The following CEBPA variants were observed in gnomAD, a reference collection of about 807,000 sequenced individuals.
CEBPA encodes the protein CCAAT/enhancer-binding protein alpha.
A neutral mutation model predicts 5.1 loss-of-function variants in CEBPA; 2 were observed. That is an observed-to-expected ratio of 0.39 (90% confidence interval 0.16 to 1.23). The LOEUF is 1.23. Ranked by LOEUF, CEBPA falls within the 50% of genes most tolerant of loss-of-function variation. The pLI is 0.34. For missense variants in CEBPA, 455 were observed against 537.4 expected (o/e 0.85, Z 1.52); for synonymous variants, 275 against 264.1 (o/e 1.04, Z -0.40).
At position 33,302,190 on chromosome 19, in the gene CEBPA, G is replaced by C. The variant is rs949548349; in HGVS notation, c.225C>G (p.Asp75Glu). The change falls in exon 1 of 1, where the codon GAC (aspartate) becomes GAG (glutamate). Residue 75 changes from aspartate (D) to glutamate (E), a missense_variant. Coordinates refer to ENST00000498907, the MANE Select transcript of CEBPA (RefSeq NM_004364.5). ...GCTGGAACAGGTCGGCCAGGAACTC[G>C]TCGTTGAAGGCGGCCGGGTCGATGT... ...SAYIDPAAFN[D>E]EFLADLFQHS... 2.7e-6 allele frequency: 4 copies of C among 1,493,828 alleles called. No individual in the cohort carries two copies. The highest frequency in any genetic ancestry group is 3.6e-6 in the Non-Finnish European group (4 of 1,118,688). The allele number at this position is 1,493,828 out of a possible 1,614,324, so 92.5% of individuals were successfully genotyped here.
Position 33,300,892 on chromosome 19 carries a change from CCT to C in CEBPA, c.*444_*445del, listed in dbSNP as rs1422141855. On this transcript the variant is annotated 3_prime_UTR_variant, in exon 1 of 1. Coordinates refer to ENST00000498907, the MANE Select transcript of CEBPA (RefSeq NM_004364.5). Reference sequence around the variant, plus strand: ...GGCGGGCTTGTCGGGATCTCAGCTCCCTGAGCCCTCCTCCTGCCACGGGCCTG... The same window carrying C: ...GGCGGGCTTGTCGGGATCTCAGCTCCGAGCCCTCCTCCTGCCACGGGCCTG... 2 of 262,898 alleles carry C rather than the reference CCT, an allele frequency of 7.6e-6. No homozygotes were observed. Among genetic ancestry groups the C allele is most frequent in the Non-Finnish European group, 1.5e-5 (2 of 135,148 alleles). 16.3% of individuals were successfully genotyped at this position (262,898 alleles called of 1,614,324 possible). A position where few individuals can be genotyped will look rare whatever the true frequency, so the allele number is the denominator to read the frequency against.
In CEBPA at chr19:33,300,733, G is replaced by A. The variant is rs372919877; in HGVS notation, c.*605C>T. On this transcript the variant is annotated 3_prime_UTR_variant, in exon 1 of 1. Coordinates refer to ENST00000498907, the MANE Select transcript of CEBPA (RefSeq NM_004364.5). ...AGGCTGGGGTGGGGTGTGTGCGGAG[G>A]GAGGTGGGAGAGGCGTGGAACTAGA... is the stretch of plus-strand genomic sequence containing the variant. 4.3e-5 allele frequency: 10 copies of A among 234,332 alleles called. No individual in the cohort carries two copies. The highest frequency in any genetic ancestry group is 4.2e-4 in the East Asian group (7 of 16,728). The allele number at this position is 234,332 out of a possible 1,614,324, so 14.5% of individuals were successfully genotyped here.
Position 33,302,332 on chromosome 19 carries a change from C to T in CEBPA, c.83G>A (p.Ser28Asn), listed in dbSNP as rs2145264621. The T allele has an allele frequency of 7.3e-7, 1 of 1,362,346 alleles. No individual in the cohort carries two copies. Among genetic ancestry groups the T allele is most frequent in the Non-Finnish European group, 9.5e-7 (1 of 1,057,708 alleles). The allele number at this position is 1,362,346 out of a possible 1,614,324, so 84.4% of individuals were successfully genotyped here. ...GCCCCGGGGAAAGCCGAAGGCGGCG[C>T]TGCTGGGCGCGTGCGGGGGGCTCTG... ...HLQSPPHAPS[S>N]AAFGFPRGAG... Residue 28 changes from serine (S) to asparagine (N), a missense_variant, in exon 1 of 1, where the codon AGC becomes AAC. Ser to Asn is a conservative substitution (Grantham distance 46). Around this residue, in one of 5 missense-constraint regions of CEBPA, gnomAD observed 143 missense variants for 153.9 expected, o/e 0.93. Transcript: ENST00000498907.
chr19:33,301,426 T>C lies in CEBPA; in HGVS notation c.989A>G (p.Gln330Arg). The change falls in exon 1 of 1, where the codon CAG becomes CGG. Residue 330 changes from glutamine (Q) to arginine (R), a missense_variant. By Grantham distance (43) the Gln-to-Arg change is conservative. Around this residue, in one of 5 missense-constraint regions of CEBPA, gnomAD observed 118 missense variants for 189.3 expected, o/e 0.62. Transcript: ENST00000498907. This position sits in a 1 kb window ranked among gnomAD's most constrained non-coding sequence, Gnocchi z 6.0. ...CAGCGTGTCCAGTTCGCGGCTCAGC[T>C]GTTCCACCCGCTTGCGCAGGCGGTC... is the stretch of plus-strand genomic sequence containing the variant. ...DNDRLRKRVE[Q>R]LSRELDTLRG... 1 of 1,612,396 alleles carries C rather than the reference T, an allele frequency of 6.2e-7. No homozygotes were observed. The highest frequency in any genetic ancestry group is 8.5e-7 in the Non-Finnish European group (1 of 1,179,772).
rs1184283480 is a variant in CEBPA at position 33,301,633 on chromosome 19, G to A, written c.782C>T (p.Pro261Leu). 6.4e-7 allele frequency: 1 copy of A among 1,567,160 alleles called. No homozygotes were observed. The highest frequency in any genetic ancestry group is 1.9e-5 in the Admixed American group (1 of 53,572). ...SALKGLGAAH[P>L]DLRASGGSGA... ...GCTGCCGCCACTCGCGCGGAGGTCGGGGTGCGCGGCGCCCAGCCCCTTGAG... is the reference window on the plus strand; with the variant it reads ...GCTGCCGCCACTCGCGCGGAGGTCGAGGTGCGCGGCGCCCAGCCCCTTGAG... Residue 261 changes from proline (P) to leucine (L), a missense_variant, in exon 1 of 1, where the codon CCC (proline) becomes CTC (leucine). Pro to Leu is a moderately conservative substitution (Grantham distance 98). Transcript: ENST00000498907. The surrounding 1 kb of genome is among the most constrained non-coding windows in gnomAD (Gnocchi z 6.0).
rs1404122696 is a variant in CEBPA at position 33,301,198 on chromosome 19, C to G, written c.*140G>C. On this transcript the variant is annotated 3_prime_UTR_variant, in exon 1 of 1. Coordinates refer to ENST00000498907, the MANE Select transcript of CEBPA (RefSeq NM_004364.5). The surrounding 1 kb of genome is among the most constrained non-coding windows in gnomAD (Gnocchi z 6.0). The stretch of plus-strand genomic sequence containing the variant: ...AGAGGAAGGGAGGGGACACGCGGAG[C>G]AGGCCAGGCTTTCAGGAGGCACCGG... 2.1e-5 allele frequency: 29 copies of G among 1,358,418 alleles called. No homozygotes were observed. In the East Asian group the frequency reaches 6.3e-4, roughly 29 times the overall value. The allele number at this position is 1,358,418 out of a possible 1,614,324, so 84.1% of individuals were successfully genotyped here.
At position 33,301,143 on chromosome 19, in the gene CEBPA, C is replaced by T; in HGVS notation, c.*195G>A. ...CGCAGGGAGAAGCCACCGCCTGGCC[C>T]CCTCATCTTAGACGCACCAAGTCCG... On this transcript the variant is annotated 3_prime_UTR_variant, in exon 1 of 1. Transcript: ENST00000498907. This position sits in a 1 kb window ranked among gnomAD's most constrained non-coding sequence, Gnocchi z 6.0. 2.1e-6 allele frequency: 2 copies of T among 952,604 alleles called. No homozygotes were observed. Among genetic ancestry groups the T allele is most frequent in the Non-Finnish European group, 3.0e-6 (2 of 660,764 alleles). 59.0% of individuals were successfully genotyped at this position (952,604 alleles called of 1,614,324 possible).
Position 33,301,397 on chromosome 19 carries a change from C to T in CEBPA, c.1018G>A (p.Gly340Ser), listed in dbSNP as rs375833261. The part of the protein sequence containing the change: ...QLSRELDTLR[G>S]IFRQLPESSL... ...CTCTCTGGCAGCTGGCGGAAGATGC[C>T]CCGCAGCGTGTCCAGTTCGCGGCTC... The change falls in exon 1 of 1, where the codon GGC becomes AGC. Residue 340 changes from glycine to serine, a missense_variant. Gly to Ser is a moderately conservative substitution (Grantham distance 56). Coordinates refer to ENST00000498907, the MANE Select transcript of CEBPA (RefSeq NM_004364.5). The surrounding 1 kb of genome is among the most constrained non-coding windows in gnomAD (Gnocchi z 6.0). The T allele has an allele frequency of 4.9e-5, 79 of 1,610,088 alleles. No individual in the cohort carries two copies. Among genetic ancestry groups the T allele is most frequent in the Middle Eastern group, 1.6e-4 (1 of 6,082 alleles).
rs1229843724 is a variant in CEBPA at position 33,300,687 on chromosome 19, A to G, written c.*651T>C. On this transcript the variant is annotated 3_prime_UTR_variant, in exon 1 of 1. Transcript: ENST00000498907. ...CCCCATCGCAGTGAGTTCCGCCCCA[A>G]GGGGAAGCCCAGCCTATAGCAGGCT... is the stretch of plus-strand genomic sequence containing the variant. 4 of 233,450 alleles carry G rather than the reference A, an allele frequency of 1.7e-5. No individual in the cohort carries two copies. Among genetic ancestry groups the G allele is most frequent in the Non-Finnish European group, 2.5e-5 (3 of 118,176 alleles). The allele number at this position is 233,450 out of a possible 1,614,324, so 14.5% of individuals were successfully genotyped here.
Position 33,300,915 on chromosome 19 carries a change from G to C in CEBPA, c.*423C>G. ...TCCCTGAGCCCTCCTCCTGCCACGGGCCTGCTCCCCTCCTTCTCTCATGGG... is the reference window on the plus strand; with the variant it reads ...TCCCTGAGCCCTCCTCCTGCCACGGCCCTGCTCCCCTCCTTCTCTCATGGG... On this transcript the variant is annotated 3_prime_UTR_variant, in exon 1 of 1. Coordinates refer to ENST00000498907, the MANE Select transcript of CEBPA (RefSeq NM_004364.5). The C allele has an allele frequency of 3.6e-6, 1 of 277,114 alleles. No homozygotes were observed. The highest frequency in any genetic ancestry group is 5.2e-5 in the East Asian group (1 of 19,278). The allele number at this position is 277,114 out of a possible 1,614,324, so 17.2% of individuals were successfully genotyped here.
rs1967204947 is a variant in CEBPA, at chr19:33,302,391, C to T, written c.24G>A (p.Glu8=). Residue 8 remains glutamate, a synonymous_variant, in exon 1 of 1, where the codon GAG becomes GAA. Coordinates refer to ENST00000498907, the MANE Select transcript of CEBPA (RefSeq NM_004364.5). ...TGCTCATCGGGGGCCGCGGCTCCGCCTCGTAGAAGTCGGCCGACTCCATGG... is the reference window on the plus strand; with the variant it reads ...TGCTCATCGGGGGCCGCGGCTCCGCTTCGTAGAAGTCGGCCGACTCCATGG... MESADFY[E]AEPRPPMSSH... is the part of the protein sequence containing the mutation. 4.8e-5 allele frequency: 63 copies of T among 1,300,312 alleles called. No individual in the cohort carries two copies. Among genetic ancestry groups the T allele is most frequent in the Non-Finnish European group, 6.1e-5 (62 of 1,023,482 alleles). The allele number at this position is 1,300,312 out of a possible 1,614,324, so 80.5% of individuals were successfully genotyped here.
chr19:33,302,467 G>C lies in CEBPA; in HGVS notation c.-53C>G. On this transcript the variant is annotated 5_prime_UTR_variant, in exon 1 of 1. Transcript: ENST00000498907. Reference sequence around the variant, plus strand: ...CGAGCCTCGGCGGCCTCCAGCCTGCGCGGGGCGTCGCCGCCGCCCACCCGG... The same window carrying C: ...CGAGCCTCGGCGGCCTCCAGCCTGCCCGGGGCGTCGCCGCCGCCCACCCGG... 3 of 1,160,514 alleles carry C rather than the reference G, an allele frequency of 2.6e-6. No homozygotes were observed. The highest frequency in any genetic ancestry group is 2.2e-6 in the Non-Finnish European group (2 of 920,576). The allele number at this position is 1,160,514 out of a possible 1,614,324, so 71.9% of individuals were successfully genotyped here.
At position 33,301,596 on chromosome 19, in the gene CEBPA, C is replaced by T. The variant is rs1600021510; in HGVS notation, c.819G>A (p.Lys273=). 1.9e-6 allele frequency: 3 copies of T among 1,603,268 alleles called. No homozygotes were observed. In the South Asian group the frequency reaches 3.3e-5, roughly 18 times the overall value. The change falls in exon 1 of 1, where the codon AAG becomes AAA. Residue 273 remains lysine (K), a synonymous_variant. Coordinates refer to ENST00000498907, the MANE Select transcript of CEBPA (RefSeq NM_004364.5). The surrounding 1 kb of genome is among the most constrained non-coding windows in gnomAD (Gnocchi z 6.0). ...TGTTCTTGTCCACCGACTTCTTGGC[C>T]TTGCCCGCGCCGCTGCCGCCACTCG... ...LRASGGSGAG[K]AKKSVDKNSN...
At position 33,302,511 on chromosome 19, in the gene CEBPA, C is replaced by A. The variant is rs1049411658; in HGVS notation, c.-97G>T. On this transcript the variant is annotated 5_prime_UTR_variant, in exon 1 of 1. Transcript: ENST00000498907. ...CACCCGGAGACCCTGCTCGCCCGCGCCCGCGCACCTCCGGGTCGCGAATGG... is the reference window on the plus strand; with the variant it reads ...CACCCGGAGACCCTGCTCGCCCGCGACCGCGCACCTCCGGGTCGCGAATGG... 99 of 748,112 alleles carry A rather than the reference C, an allele frequency of 1.3e-4. No homozygotes were observed. In the African/African-American group the frequency reaches 1.8e-3, roughly 13 times the overall value. 46.3% of individuals were successfully genotyped at this position (748,112 alleles called of 1,614,324 possible).
chr19:33,302,025 G>A lies in CEBPA; in HGVS notation c.390C>T (p.Gly130=), dbSNP rs1967185905. 1 of 1,181,436 alleles carries A rather than the reference G, an allele frequency of 8.5e-7. No homozygotes were observed. The highest frequency in any genetic ancestry group is 1.0e-6 in the Non-Finnish European group (1 of 953,780). The allele number at this position is 1,181,436 out of a possible 1,614,324, so 73.2% of individuals were successfully genotyped here. A position where few individuals can be genotyped will look rare whatever the true frequency, so the allele number is the denominator to read the frequency against. ...GGTAGCCGGCGGCCGCGCAGCCGTA[G>A]CCGGGCGGGGGCCCGTGCGCTCCCC... is the stretch of plus-strand genomic sequence containing the variant. ...MPGGAHGPPP[G]YGCAAAGYLD... Residue 130 remains glycine (G), a synonymous_variant, in exon 1 of 1, where the codon GGC becomes GGT. Coordinates refer to ENST00000498907, the MANE Select transcript of CEBPA (RefSeq NM_004364.5).
At position 33,301,859 on chromosome 19, in the gene CEBPA, G is replaced by A. The variant is rs1303742006; in HGVS notation, c.556C>T (p.Pro186Ser). ...GGGTGCGGGTGCGAGGGCGGCGGCG[G>A]CGGCGGCGGCTGGTAAGGGAAGAGG... ...AGLFPYQPPP[P>S]PPPSHPHPHP... Residue 186 changes from proline to serine, a missense_variant, in exon 1 of 1, where the codon CCG (proline) becomes TCG (serine). This residue lies in a region of CEBPA where 141 missense variants were observed against 124.1 expected (regional missense o/e 1.14). Transcript: ENST00000498907. The surrounding 1 kb of genome is among the most constrained non-coding windows in gnomAD (Gnocchi z 6.0). 1.5e-6 allele frequency: 2 copies of A among 1,322,826 alleles called. No homozygotes were observed. Among genetic ancestry groups the A allele is most frequent in the Non-Finnish European group, 9.7e-7 (1 of 1,032,502 alleles). The allele number at this position is 1,322,826 out of a possible 1,614,324, so 81.9% of individuals were successfully genotyped here.
chr19:33,301,125 A>T lies in CEBPA; in HGVS notation c.*213T>A. 1.3e-6 allele frequency: 1 copy of T among 774,458 alleles called. No individual in the cohort carries two copies. Among genetic ancestry groups the T allele is most frequent in the Non-Finnish European group, 2.0e-6 (1 of 499,058 alleles). The allele number at this position is 774,458 out of a possible 1,614,324, so 48.0% of individuals were successfully genotyped here. Reference sequence around the variant, plus strand: ...CAAGAATTCTCCCCTCCTCGCAGGGAGAAGCCACCGCCTGGCCCCCTCATC... The same window carrying T: ...CAAGAATTCTCCCCTCCTCGCAGGGTGAAGCCACCGCCTGGCCCCCTCATC... On this transcript the variant is annotated 3_prime_UTR_variant, in exon 1 of 1. Coordinates refer to ENST00000498907, the MANE Select transcript of CEBPA (RefSeq NM_004364.5). This position sits in a 1 kb window ranked among gnomAD's most constrained non-coding sequence, Gnocchi z 6.0.
rs1379627026 is a variant in CEBPA at position 33,302,375 on chromosome 19, G to C, written c.40C>G (p.Pro14Ala). 5.4e-6 allele frequency: 7 copies of C among 1,307,192 alleles called. No homozygotes were observed. The highest frequency in any genetic ancestry group is 4.2e-5 in the Admixed American group (1 of 23,700). The allele number at this position is 1,307,192 out of a possible 1,614,324, so 81.0% of individuals were successfully genotyped here. The change falls in exon 1 of 1, where the codon CCG (proline) becomes GCG (alanine). Residue 14 changes from proline to alanine, a missense_variant. Pro to Ala is a conservative substitution (Grantham distance 27). Coordinates refer to ENST00000498907, the MANE Select transcript of CEBPA (RefSeq NM_004364.5). ...GGGCTCTGCAGGTGGCTGCTCATCG[G>C]GGGCCGCGGCTCCGCCTCGTAGAAG... Reference protein sequence around the residue: ...ADFYEAEPRPPMSSHLQSPPH... With the variant: ...ADFYEAEPRPAMSSHLQSPPH...
rs2145263145 is a variant in CEBPA at position 33,302,108 on chromosome 19, C to A, written c.307G>T (p.Gly103Cys). ...AAVGPTGGGG[G>C]GDFDYPGAPA... ...GCGCCCGGGTAGTCAAAGTCGCCGC[C>A]GCCGCCGCCGCCCGTGGGGCCCACG... is the stretch of plus-strand genomic sequence containing the variant. Residue 103 changes from glycine to cysteine, a missense_variant, in exon 1 of 1, where the codon GGC (glycine) becomes TGC (cysteine). Coordinates refer to ENST00000498907, the MANE Select transcript of CEBPA (RefSeq NM_004364.5). 7.5e-7 allele frequency: 1 copy of A among 1,339,452 alleles called. No individual in the cohort carries two copies. The allele number at this position is 1,339,452 out of a possible 1,614,324, so 83.0% of individuals were successfully genotyped here. A position where few individuals can be genotyped will look rare whatever the true frequency, so the allele number is the denominator to read the frequency against.
Sources: gnomAD v4.1 joint callset for allele counts on GRCh38, gnomAD v4.1.1 for gene constraint, gnomAD v4.1.1 regional missense constraint, Gnocchi (gnomAD v3.1) non-coding constraint, MANE v1.5 for transcripts, NCBI Gene and HGNC (gene_info 2026-07-23, HGNC 2026-07-21) for gene names.